The following HIF1A variants were observed in gnomAD, a reference collection of about 807,000 sequenced individuals.
The protein encoded by HIF1A is hypoxia inducible factor 1 subunit alpha.
A neutral mutation model predicts 92.7 loss-of-function variants in HIF1A; 24 were observed. The ratio of observed to expected loss-of-function variants is 0.26; its 90% confidence interval spans 0.19 to 0.36. HIF1A has a LOEUF of 0.36. Ranked by LOEUF, HIF1A falls within the 10% of genes least tolerant of loss-of-function variation. HIF1A has a pLI of 1.00. For synonymous variants in HIF1A, 319 were observed against 338.7 expected, an observed-to-expected ratio of 0.94 and a Z score of 0.64; for missense variants, 799 against 998.5, an observed-to-expected ratio of 0.80 and a Z score of 2.69.
intron 4 of HIF1A, among the ~76,000 whole-genome samples, chr14:61,725,865 G>A (rs1402579627): frequency 2.0e-5 from 3 of 151,286 alleles, no homozygotes; most frequent in Non-Finnish European, 4.4e-5. Flanking sequence ...TATATCCCAG[G>A]TTGGAGTGCA....
At chr14:61,718,553 T>C (rs575172550) in intron 1 of HIF1A, among the ~76,000 whole-genome samples, 15 of 152,316 alleles carry the variant, frequency 9.8e-5, no homozygotes, top group Admixed American at 6.5e-4. Flanking sequence ...TTTATTTTAC[T>C]CTTCTGCTTA....
chr14:61,727,567 C>T lies in HIF1A; in HGVS notation c.685C>T (p.His229Tyr), dbSNP rs754352541. Residue 229 changes from histidine (H) to tyrosine (Y), a missense_variant, in exon 6 of 15, where the codon CAC (histidine) becomes TAC (tyrosine). This residue lies in a region of HIF1A where 516 missense variants were observed against 721.0 expected (regional missense o/e 0.72). Transcript: ENST00000337138. ...GGTGCTGATTTGTGAACCCATTCCT[C>T]ACCCATCAAATATTGAAATTCCTTT... ...CLVLICEPIP[H>Y]PSNIEIPLDS... 1.2e-6 allele frequency: 2 copies of T among 1,613,660 alleles called. No individual in the cohort carries two copies. Among genetic ancestry groups the T allele is most frequent in the Non-Finnish European group, 1.7e-6 (2 of 1,179,600 alleles).
Position 61,744,797 on chromosome 14 carries a change from T to G in HIF1A, c.2186T>G (p.Phe729Cys). 6.4e-7 allele frequency: 1 copy of G among 1,570,048 alleles called. No homozygotes were observed. The highest frequency in any genetic ancestry group is 1.1e-5 in the South Asian group (1 of 89,024). ...AAAATGGAACATGATGGTTCACTTTTTCAAGCAGTAGGAATTGTAAGTATG... is the reference window on the plus strand; with the variant it reads ...AAAATGGAACATGATGGTTCACTTTGTCAAGCAGTAGGAATTGTAAGTATG... Reference protein sequence around the residue: ...KRKMEHDGSLFQAVGIGTLLQ... With the variant: ...KRKMEHDGSLCQAVGIGTLLQ... Residue 729 changes from phenylalanine to cysteine, a missense_variant, in exon 13 of 15, where the codon TTT (phenylalanine) becomes TGT (cysteine). By Grantham distance (205) the Phe-to-Cys change is radical (BLOSUM62 -2). This residue lies in a region of HIF1A where 283 missense variants were observed against 277.5 expected (regional missense o/e 1.02). Transcript: ENST00000337138.
chr14:61,718,990 G>C (rs75171454), intron 1 of HIF1A, among the ~76,000 whole-genome samples: 1,730 of 152,272 alleles, frequency 0.011, 34 homozygotes, highest in African/African-American at 0.038. Context: ...ACTAGTATCA[G>C]TATTGTCACA....
intron 1 of HIF1A, among the ~76,000 whole-genome samples, chr14:61,707,919 A>T (rs1243053119): frequency 6.6e-6 from 1 of 152,116 alleles, no homozygotes; most frequent in Non-Finnish European, 1.5e-5. Context: ...TTACAGTCCC[A>T]CTAACAGTGT....
intron 6 of HIF1A, among the ~76,000 whole-genome samples, chr14:61,728,707 C>G (rs1486956982): frequency 6.6e-6 from 1 of 152,170 alleles, no homozygotes; most frequent in Non-Finnish European, 1.5e-5. Context: ...CCTTGCACTC[C>G]TGCCATTGAA....
intron 1 of HIF1A, among the ~76,000 whole-genome samples, chr14:61,696,235 G>A (rs995681578): frequency 1.3e-5 from 2 of 152,254 alleles, no homozygotes; most frequent in African/African-American, 4.8e-5. Flanking sequence ...CGGTAGCCGC[G>A]GTTTGCACCC....
intron 6 of HIF1A, among the ~76,000 whole-genome samples, chr14:61,728,618 T>C (rs1490231129): frequency 1.3e-5 from 2 of 152,254 alleles, no homozygotes; most frequent in African/African-American, 4.8e-5. Context: ...TTTACATTCA[T>C]TGGCTACATA....
intron 9 of HIF1A, 26 bp downstream of exon 9, chr14:61,737,135 C>G: frequency 6.6e-7 from 1 of 1,521,922 alleles, no homozygotes; most frequent in South Asian, 1.1e-5. Flanking sequence ...TGTTAATCCC[C>G]TAAATTGTGT....
chr14:61,711,759 C>T (rs1031579168), intron 1 of HIF1A, among the ~76,000 whole-genome samples: 1 of 152,158 alleles, frequency 6.6e-6, no homozygotes, highest in Non-Finnish European at 1.5e-5. Flanking sequence ...CATTTGTTAA[C>T]ATTTACTAAG....
intron 7 of HIF1A, 120 bp downstream of exon 7, chr14:61,732,644 C>CT: frequency 1.7e-6 from 1 of 603,716 alleles, no homozygotes; most frequent in Non-Finnish European, 3.0e-6. Flanking sequence ...GTTAACAGGC[C>CT]TATTCAGTAG....
intron 10 of HIF1A, among the ~76,000 whole-genome samples, chr14:61,739,560 G>A (rs1321388106): frequency 6.6e-6 from 1 of 152,104 alleles, no homozygotes; most frequent in Non-Finnish European, 1.5e-5. Flanking sequence ...TATATCCTAT[G>A]CTCTGGTTGC....
chr14:61,720,261 T>G, intron 1 of HIF1A, 121 bp from the exon 2 acceptor site: 1 of 648,864 alleles, frequency 1.5e-6, no homozygotes, highest in Non-Finnish European at 2.5e-6. Context: ...CCATGTAACT[T>G]AATTACATGG....
chr14:61,716,527 G>A (rs1350966112), intron 1 of HIF1A, among the ~76,000 whole-genome samples: 1 of 152,064 alleles, frequency 6.6e-6, no homozygotes, highest in Non-Finnish European at 1.5e-5. Flanking sequence ...TTTACAATTA[G>A]GAATGCTAAC....
Position 61,748,136 on chromosome 14 carries a change from G to A in HIF1A, c.*1051G>A, listed in dbSNP as rs1206902487. On this transcript the variant is annotated 3_prime_UTR_variant, in exon 15 of 15. Coordinates refer to ENST00000337138, the MANE Select transcript of HIF1A (RefSeq NM_001530.4). ...ATTTTAGGAATATATAGTTGTCACA[G>A]TAAATATCTTGTTTTTTCTATGTAC... is the stretch of plus-strand genomic sequence containing the variant. 1 of 152,426 alleles carries A rather than the reference G, an allele frequency of 6.6e-6. No individual in the cohort carries two copies. The highest frequency in any genetic ancestry group is 1.5e-5 in the Non-Finnish European group (1 of 67,924). 9.4% of individuals were successfully genotyped at this position (152,426 alleles called of 1,614,324 possible). A position where few individuals can be genotyped will look rare whatever the true frequency, so the allele number is the denominator to read the frequency against.
intron 6 of HIF1A, among the ~76,000 whole-genome samples, chr14:61,732,037 GA>G (rs1462468162): frequency 6.6e-6 from 1 of 152,216 alleles, no homozygotes; most frequent in African/African-American, 2.4e-5. Flanking sequence ...TTGGGAGGCT[GA>G]GGCAGGGGAA....
chr14:61,701,399 T>A (rs920471295), intron 1 of HIF1A, among the ~76,000 whole-genome samples: 1 of 152,154 alleles, frequency 6.6e-6, no homozygotes, highest in African/African-American at 2.4e-5. Context: ...AATTTAAAAG[T>A]GTCTAGTATT....
intron 1 of HIF1A, among the ~76,000 whole-genome samples, chr14:61,716,376 A>C (rs2044364028): frequency 6.6e-6 from 1 of 152,218 alleles, no homozygotes; most frequent in Non-Finnish European, 1.5e-5. Flanking sequence ...AACAAAAACC[A>C]ACTTGTACCT....
At chr14:61,703,776 T>G (rs926883923) in intron 1 of HIF1A, among the ~76,000 whole-genome samples, 1 of 152,220 alleles carries the variant, frequency 6.6e-6, no homozygotes, top group African/African-American at 2.4e-5. Flanking sequence ...GATGGTCTTC[T>G]TGTAGAATAT....
Sources: allele counts gnomAD v4.1 joint callset (sites outside exome capture counted in the v4.1 genomes callset), GRCh38; gene constraint gnomAD v4.1.1; regional missense constraint gnomAD v4.1.1; transcripts MANE v1.5; gene names NCBI Gene and HGNC (gene_info 2026-07-23, HGNC 2026-07-21).